The following DLGAP1 variants were observed in gnomAD, a reference collection of about 807,000 sequenced individuals.
DLGAP1 encodes the protein disks large-associated protein 1.
A neutral mutation model predicts 90.8 loss-of-function variants in DLGAP1; 11 were observed. The ratio of observed to expected loss-of-function variants is 0.12; its 90% CI spans 0.08 to 0.20. DLGAP1 has a LOEUF of 0.20. DLGAP1 is among the 10% of genes least tolerant of loss of function. The pLI is 1.00. For synonymous variants in DLGAP1, 558 were observed against 540.7 expected (o/e 1.03, Z -0.44); for missense variants, 1,050 against 1,333.8 (o/e 0.79, Z 3.31).
intron 7 of DLGAP1, among the ~76,000 whole-genome samples, chr18:3,696,286 GGAAT>G (rs908918138): frequency 6.6e-5 from 10 of 152,180 alleles, no homozygotes; most frequent in African/African-American, 2.4e-4. Flanking sequence ...GTTTTCAAAG[GGAAT>G]GCCTCCAGCT....
intron 7 of DLGAP1, among the ~76,000 whole-genome samples, chr18:3,601,206 C>G (rs1019852532): frequency 4.6e-5 from 7 of 152,050 alleles, no homozygotes; most frequent in Non-Finnish European, 2.9e-5. Flanking sequence ...CCCACCTCAG[C>G]CACCCAAGTA....
chr18:3,679,185 T>A (rs2060419411), intron 7 of DLGAP1, among the ~76,000 whole-genome samples: 1 of 149,910 alleles, frequency 6.7e-6, no homozygotes, highest in African/African-American at 2.5e-5. Context: ...TGGTTTCTCA[T>A]TTTCCCTCCC....
At chr18:4,155,902 T>G (rs2076748445) in intron 1 of DLGAP1, among the ~76,000 whole-genome samples, 1 of 152,176 alleles carries the variant, frequency 6.6e-6, no homozygotes, top group South Asian at 2.1e-4. Flanking sequence ...GAGGTCAGGA[T>G]GCAGGTAGCT....
chr18:3,848,621 G>C (rs1006046297), intron 4 of DLGAP1, among the ~76,000 whole-genome samples: 1 of 152,168 alleles, frequency 6.6e-6, no homozygotes, highest in African/African-American at 2.4e-5. Context: ...GTAGAGTTCT[G>C]TACTTCAGTG....
At chr18:4,402,162 A>G (rs4798228) in intron 1 of DLGAP1, among the ~76,000 whole-genome samples, 14,340 of 152,174 alleles carry the variant, frequency 0.094, 1,209 homozygotes, top group African/African-American at 0.23. Flanking sequence ...ACTGAACTTC[A>G]CCACTCTTTG....
At chr18:3,870,856 G>A (rs1298498767) in intron 4 of DLGAP1, among the ~76,000 whole-genome samples, 1 of 152,134 alleles carries the variant, frequency 6.6e-6, no homozygotes, top group Admixed American at 6.5e-5. Flanking sequence ...CCTTTGCTAC[G>A]TGGTTTACCA....
intron 1 of DLGAP1, among the ~76,000 whole-genome samples, chr18:4,362,608 TAC>T (rs996535092): frequency 6.6e-6 from 1 of 152,072 alleles, no homozygotes; most frequent in African/African-American, 2.4e-5. Context: ...GTTTAATGGG[TAC>T]AGAGTTTCAG....
intron 7 of DLGAP1, among the ~76,000 whole-genome samples, chr18:3,722,873 C>T (rs919458785): frequency 5.3e-5 from 8 of 152,196 alleles, no homozygotes; most frequent in African/African-American, 1.9e-4. Context: ...TCATTTTATA[C>T]ATGAAGAAAC....
At chr18:4,338,815 A>G (rs2081127782) in intron 1 of DLGAP1, among the ~76,000 whole-genome samples, 1 of 152,202 alleles carries the variant, frequency 6.6e-6, no homozygotes, top group African/African-American at 2.4e-5. Context: ...GAATAATTTC[A>G]TAGGTCACCA....
At chr18:4,447,247 T>C (rs1420655912) in intron 1 of DLGAP1, among the ~76,000 whole-genome samples, 3 of 145,912 alleles carry the variant, frequency 2.1e-5, no homozygotes, top group Non-Finnish European at 4.5e-5. Flanking sequence ...ACATCTTAAA[T>C]GTCCATCAAC....
At chr18:4,221,793 C>T (rs970783062) in intron 1 of DLGAP1, among the ~76,000 whole-genome samples, 3 of 152,132 alleles carry the variant, frequency 2.0e-5, no homozygotes, top group African/African-American at 7.2e-5. Context: ...TACTACTCAA[C>T]CTGCTTAAAA....
chr18:4,357,090 CGTGTGTGT>C (rs5822808), intron 1 of DLGAP1, among the ~76,000 whole-genome samples: 5 of 144,036 alleles, frequency 3.5e-5, no homozygotes, highest in East Asian at 2.0e-4. Flanking sequence ...TATACGTGTG[CGTGTGTGT>C]GTGTGTGTGT....
intron 3 of DLGAP1, among the ~76,000 whole-genome samples, chr18:3,931,708 T>C (rs1350935465): frequency 6.6e-6 from 1 of 152,206 alleles, no homozygotes; most frequent in African/African-American, 2.4e-5. Context: ...ATCCTCCTTC[T>C]TGTAAACCTG....
chr18:4,181,494 G>C (rs1027015006), intron 1 of DLGAP1, among the ~76,000 whole-genome samples: 4 of 152,106 alleles, frequency 2.6e-5, no homozygotes, highest in African/African-American at 9.7e-5. Flanking sequence ...CCCGTGATAG[G>C]AGTCAATACC....
rs538707184 is a variant in DLGAP1, at chr18:4,337,526, C to A, written c.-267+117480G>T. ...TTTTTAAAACAATTATAGTTCATATCCTTAAAAAGATTGTAAGAAGAATTT... is the reference window on the plus strand; with the variant it reads ...TTTTTAAAACAATTATAGTTCATATACTTAAAAAGATTGTAAGAAGAATTT... On this transcript the variant is annotated intron_variant, in intron 1 of 12. Transcript: ENST00000315677. Among the ~76,000 whole-genome samples the A allele has an allele frequency of 4.4e-4, 67 of 152,140 alleles. 1 individual carries two copies. The highest frequency in any genetic ancestry group is 1.6e-3 in the African/African-American group (66 of 41,498).
intron 1 of DLGAP1, among the ~76,000 whole-genome samples, chr18:4,365,169 T>C (rs2081733853): frequency 6.6e-6 from 1 of 152,172 alleles, no homozygotes; most frequent in Non-Finnish European, 1.5e-5. Context: ...AATAAATGCA[T>C]AGTGTATCAA....
intron 7 of DLGAP1, among the ~76,000 whole-genome samples, chr18:3,585,418 A>AC (rs2055822005): frequency 1.3e-5 from 2 of 151,938 alleles, no homozygotes; most frequent in African/African-American, 4.8e-5. Context: ...TTAGGATAGA[A>AC]CCTCTCCCTG....
At chr18:4,404,272 T>C (rs1013575674) in intron 1 of DLGAP1, among the ~76,000 whole-genome samples, 3 of 152,218 alleles carry the variant, frequency 2.0e-5, no homozygotes, top group Non-Finnish European at 4.4e-5. Context: ...TCTCATTTAA[T>C]AGCATTAGAT....
chr18:3,868,216 G>A (rs1314837697), intron 4 of DLGAP1, among the ~76,000 whole-genome samples: 5 of 152,152 alleles, frequency 3.3e-5, no homozygotes, highest in Non-Finnish European at 7.4e-5. Flanking sequence ...AGTGTTATGG[G>A]GGAATGATTT....
Sources: allele counts gnomAD v4.1 joint callset (sites outside exome capture counted in the v4.1 genomes callset), GRCh38; gene constraint gnomAD v4.1.1; transcripts MANE v1.5; gene names NCBI Gene and HGNC (gene_info 2026-07-23, HGNC 2026-07-21).